VRK2: variants seen among roughly 807,000 people sequenced by gnomAD.
VRK2 encodes the protein VRK serine/threonine kinase 2, also known as serine/threonine-protein kinase VRK2.
Under a neutral mutation model 57.6 loss-of-function variants are expected in VRK2, and 60 were observed. The observed-to-expected ratio is 1.04, with a 90% CI of 0.85 to 1.29. VRK2 has a LOEUF of 1.29. Among genes scored for constraint, VRK2 ranks in the 50% most tolerant of loss-of-function variants. The probability of loss-of-function intolerance (pLI) is 0.00; values close to 1 mark genes in which losing one functional copy is unlikely to be tolerated. For synonymous variants in VRK2, 231 were observed against 199.2 expected, an observed-to-expected ratio of 1.16 and a Z score of -1.35; for missense variants, 705 against 588.1, an observed-to-expected ratio of 1.20 and a Z score of -2.06.
intron 1 of VRK2, among the ~76,000 whole-genome samples, chr2:58,002,633 G>T (rs1305892978): frequency 2.0e-5 from 3 of 152,048 alleles, no homozygotes; most frequent in African/African-American, 7.2e-5. Context: ...AGCTCTAAAG[G>T]CTGAGCTGAA....
chr2:58,050,542 C>T (rs1675558013), intron 2 of VRK2, among the ~76,000 whole-genome samples: 1 of 152,240 alleles, frequency 6.6e-6, no homozygotes, highest in South Asian at 2.1e-4. Flanking sequence ...TAGCTTATCA[C>T]TTTTGGTTTT....
At chr2:58,135,784 T>C (rs1049735938) in intron 10 of VRK2, among the ~76,000 whole-genome samples, 6 of 152,198 alleles carry the variant, frequency 3.9e-5, no homozygotes, top group African/African-American at 1.4e-4. Context: ...TCAATACATA[T>C]TGTATAAAAT....
At chr2:57,935,173 T>C (rs1351170545) in intron 1 of VRK2, among the ~76,000 whole-genome samples, 1 of 152,224 alleles carries the variant, frequency 6.6e-6, no homozygotes, top group Non-Finnish European at 1.5e-5. Context: ...TTGCTGTCTT[T>C]GCATTTGAGG....
At chr2:58,141,547 T>G (rs1225378929) in intron 11 of VRK2, among the ~76,000 whole-genome samples, 3 of 151,982 alleles carry the variant, frequency 2.0e-5, no homozygotes, top group African/African-American at 7.2e-5. Context: ...TAATTTCTGT[T>G]AAGAAATGTA....
chr2:58,008,482 T>C (rs534473724), intron 1 of VRK2, among the ~76,000 whole-genome samples: 3 of 151,880 alleles, frequency 2.0e-5, no homozygotes, highest in South Asian at 2.1e-4. Flanking sequence ...TAATGCCTAA[T>C]GTCTATTTAA....
At chr2:58,146,611 C>A in intron 12 of VRK2, 137 bp downstream of exon 12, 1 of 1,003,524 alleles carries the variant, frequency 1.0e-6, no homozygotes, top group Non-Finnish European at 1.4e-6. Flanking sequence ...CAGAAAATAT[C>A]CTAGCCAGCT....
At chr2:58,046,799 G>A, upstream of VRK2, 1 of 985,650 alleles carries the variant, frequency 1.0e-6, no homozygotes. Flanking sequence ...AGGCCCGGGG[G>A]CTCCGCCTCG....
chr2:57,958,405 G>A (rs1671649352), intron 1 of VRK2, among the ~76,000 whole-genome samples: 1 of 150,982 alleles, frequency 6.6e-6, no homozygotes, highest in Non-Finnish European at 1.5e-5. Flanking sequence ...GTATATATGT[G>A]TGTATGTGTG....
At chr2:58,047,529 A>T (rs536371727) in intron 1 of VRK2, 3 of 806,946 alleles carry the variant, frequency 3.7e-6, no homozygotes, top group Non-Finnish European at 4.5e-6. Flanking sequence ...CCTTGCCCCA[A>T]AGTGTATTTA....
chr2:57,920,902 G>A (rs1195022353), intron 1 of VRK2, among the ~76,000 whole-genome samples: 2 of 151,968 alleles, frequency 1.3e-5, no homozygotes, highest in East Asian at 3.9e-4. Context: ...TTATATTTTG[G>A]CAAGCATTTT....
intron 2 of VRK2, among the ~76,000 whole-genome samples, chr2:58,082,799 TTAA>T (rs1431526922): frequency 6.6e-6 from 1 of 151,876 alleles, no homozygotes; most frequent in African/African-American, 2.4e-5. Context: ...GGTTTACAAT[TTAA>T]TATTAGCTAG....
Position 58,139,659 on chromosome 2 carries a change from T to A in VRK2, c.857-7T>A. 6.2e-7 allele frequency: 1 copy of A among 1,606,290 alleles called. No individual in the cohort carries two copies. Among genetic ancestry groups the A allele is most frequent in the Non-Finnish European group, 8.5e-7 (1 of 1,176,950 alleles). On this transcript the variant is annotated splice_polypyrimidine_tract_variant and splice_region_variant and intron_variant, in intron 10 of 12. Transcript: ENST00000340157. ...GAATGACATGTAAAAAATTTAATAA[T>A]TCACAGGTGAAATAGCCCAATTTTT...
chr2:57,932,845 A>AC (rs1670774161), intron 1 of VRK2, among the ~76,000 whole-genome samples: 1 of 152,060 alleles, frequency 6.6e-6, no homozygotes, highest in Admixed American at 6.6e-5. Flanking sequence ...CTCCCTTAGC[A>AC]CTGCTTTTGC....
chr2:58,064,501 G>A (rs773478740), intron 2 of VRK2, among the ~76,000 whole-genome samples: 5 of 152,084 alleles, frequency 3.3e-5, no homozygotes, highest in African/African-American at 9.7e-5. Flanking sequence ...AGGCATGTAC[G>A]TTGTTTTTTA....
intron 1 of VRK2, among the ~76,000 whole-genome samples, chr2:57,933,965 T>C (rs1176629089): frequency 6.6e-6 from 1 of 152,220 alleles, no homozygotes; most frequent in Non-Finnish European, 1.5e-5. Context: ...TTATAGAGTC[T>C]AACAGTCTAT....
intron 7 of VRK2, among the ~76,000 whole-genome samples, chr2:58,102,994 A>G (rs1039864724): frequency 1.3e-5 from 2 of 151,786 alleles, no homozygotes; most frequent in African/African-American, 2.4e-5. Context: ...TCTTTGGATC[A>G]ATGATGAAAT....
chr2:58,018,755 T>A (rs993871007), intron 1 of VRK2, among the ~76,000 whole-genome samples: 1 of 152,156 alleles, frequency 6.6e-6, no homozygotes, highest in African/African-American at 2.4e-5. Context: ...TTTCTTGTAA[T>A]TCTCTTCTCT....
Position 57,991,697 on chromosome 2 carries a change from C to T in VRK2, c.-438-33968C>T, listed in dbSNP as rs376458255. On this transcript the variant is annotated intron_variant, in intron 1 of 15. Coordinates refer to the VRK2 transcript ENST00000417641. ...GGTGTGGTAGCTCACGCCTGTAATC[C>T]CCAGCACTTTGGGAGGCCGAGGCAG... 3.5e-4 allele frequency among the ~76,000 whole-genome samples: 53 copies of T among 151,776 alleles called. 1 individual carries two copies. In the South Asian group the frequency reaches 0.01, roughly 29 times the overall value.
intron 1 of VRK2, among the ~76,000 whole-genome samples, chr2:57,913,479 T>C (rs1449444571): frequency 6.6e-6 from 1 of 152,168 alleles, no homozygotes; most frequent in Non-Finnish European, 1.5e-5. Context: ...CCTTTTTCTG[T>C]TTTCAGGAGA....
Sources: allele counts gnomAD v4.1 joint callset (sites outside exome capture counted in the v4.1 genomes callset), GRCh38; gene constraint gnomAD v4.1.1; transcripts MANE v1.5; gene names NCBI Gene and HGNC (gene_info 2026-07-23, HGNC 2026-07-21).